The following CTNNA3 variants were observed in gnomAD, a reference collection of about 807,000 sequenced individuals.
CTNNA3 encodes catenin alpha 3, also known as catenin alpha-3.
CTNNA3 carries 76 observed loss-of-function variants against 95.7 expected under a neutral mutation model. The ratio of observed to expected loss-of-function variants is 0.79; its 90% CI spans 0.66 to 0.96. The LOEUF (loss-of-function observed/expected upper bound fraction) is 0.96. CTNNA3 is among the 40% of genes least tolerant of loss of function. The probability of loss-of-function intolerance (pLI) is 0.00; values close to 1 mark genes in which losing one functional copy is unlikely to be tolerated. For synonymous variants in CTNNA3, 431 were observed against 374.4 expected, an observed-to-expected ratio of 1.15 and a Z score of -1.74; for missense variants, 1,191 against 1,089.8, an observed-to-expected ratio of 1.09 and a Z score of -1.31.
chr10:66,287,513 T>G (rs1485631937), intron 12 of CTNNA3, among the ~76,000 whole-genome samples: 10 of 151,978 alleles, frequency 6.6e-5, no homozygotes, highest in Non-Finnish European at 7.4e-5. Flanking sequence ...TTCTATTGCT[T>G]GGATGTAAGA....
At chr10:66,018,688 A>T (rs1475872133) in intron 15 of CTNNA3, among the ~76,000 whole-genome samples, 1 of 152,134 alleles carries the variant, frequency 6.6e-6, no homozygotes, top group Non-Finnish European at 1.5e-5. Context: ...TTCACTCTAT[A>T]AAATATATTA....
chr10:67,033,221 T>A (rs1001830131), intron 7 of CTNNA3, among the ~76,000 whole-genome samples: 1 of 152,204 alleles, frequency 6.6e-6, no homozygotes, highest in Non-Finnish European at 1.5e-5. Context: ...AATCAAGTTC[T>A]ATTTGTATAA....
chr10:66,583,181 C>T (rs1452433692), intron 10 of CTNNA3, among the ~76,000 whole-genome samples: 1 of 151,774 alleles, frequency 6.6e-6, no homozygotes, highest in African/African-American at 2.4e-5. Context: ...TTCTCTTCTT[C>T]TCAATCTTTT....
At chr10:66,291,734 A>G (rs954218834) in intron 12 of CTNNA3, among the ~76,000 whole-genome samples, 1 of 151,658 alleles carries the variant, frequency 6.6e-6, no homozygotes, top group Non-Finnish European at 1.5e-5. Context: ...AATTATATAT[A>G]TGTGTATTTA....
intron 5 of CTNNA3, among the ~76,000 whole-genome samples, chr10:67,253,417 G>A (rs1422607074): frequency 6.6e-6 from 1 of 152,164 alleles, no homozygotes; most frequent in East Asian, 1.9e-4. Flanking sequence ...CAGATAAAGG[G>A]AAATTACTAT....
chr10:66,936,462 T>C (rs1847699610), intron 7 of CTNNA3, among the ~76,000 whole-genome samples: 1 of 152,112 alleles, frequency 6.6e-6, no homozygotes, highest in South Asian at 2.1e-4. Context: ...TTCCTGGTGT[T>C]TTTTTGTTTG....
At chr10:67,531,153 G>A (rs999724833) in intron 4 of CTNNA3, among the ~76,000 whole-genome samples, 1 of 152,190 alleles carries the variant, frequency 6.6e-6, no homozygotes, top group African/African-American at 2.4e-5. Context: ...TGTGGTGTTG[G>A]AGCCCTCACA....
At chr10:67,032,958 T>G (rs1853826264) in intron 7 of CTNNA3, among the ~76,000 whole-genome samples, 1 of 152,212 alleles carries the variant, frequency 6.6e-6, no homozygotes, top group Non-Finnish European at 1.5e-5. Context: ...TCAGAATGGC[T>G]GGCTTTTGAA....
At chr10:66,685,325 GTATATA>G (rs1564617459) in intron 9 of CTNNA3, among the ~76,000 whole-genome samples, 6 of 30,004 alleles carry the variant, frequency 2.0e-4, no homozygotes, top group Admixed American at 1.5e-3. Context: ...GTGTATGTGT[GTATATA>G]TATATATATA....
chr10:67,338,738 TAAC>T (rs1396844198), intron 5 of CTNNA3, among the ~76,000 whole-genome samples: 1 of 152,204 alleles, frequency 6.6e-6, no homozygotes, highest in Non-Finnish European at 1.5e-5. Context: ...CTACAATAGC[TAAC>T]AACATCATCT....
intron 5 of CTNNA3, among the ~76,000 whole-genome samples, chr10:67,512,113 T>G (rs1839655814): frequency 6.6e-6 from 1 of 152,140 alleles, no homozygotes; most frequent in Admixed American, 6.6e-5. Flanking sequence ...GGCCAATAGA[T>G]ATATAAAAAG....
chr10:66,963,467 C>T (rs575526766), intron 7 of CTNNA3, among the ~76,000 whole-genome samples: 32 of 152,208 alleles, frequency 2.1e-4, no homozygotes, highest in Non-Finnish European at 3.8e-4. Context: ...CTCTTGACAA[C>T]GATTACTTTC....
intron 7 of CTNNA3, among the ~76,000 whole-genome samples, chr10:66,816,592 C>T (rs984084843): frequency 6.6e-6 from 1 of 151,982 alleles, no homozygotes; most frequent in Non-Finnish European, 1.5e-5. Flanking sequence ...GGCTTTAATA[C>T]CTCATGTCTA....
Position 66,511,818 on chromosome 10 carries a change from G to A in CTNNA3, c.1531+8799C>T, listed in dbSNP as rs191215057. Reference sequence around the variant, plus strand: ...TAGAGAATGTTCCATCTGCTGATGAGAAGAATGTACATTTTGTAGCCATTG... The same window carrying A: ...TAGAGAATGTTCCATCTGCTGATGAAAAGAATGTACATTTTGTAGCCATTG... On this transcript the variant is annotated intron_variant, in intron 11 of 17. Coordinates refer to ENST00000433211, the MANE Select transcript of CTNNA3 (RefSeq NM_013266.4). Among the ~76,000 whole-genome samples the A allele has an allele frequency of 5.9e-3, 890 of 152,070 alleles. 6 individuals are homozygous for A. The highest frequency in any genetic ancestry group is 0.017 in the Middle Eastern group (5 of 292).
chr10:66,840,113 T>C (rs1842999186), intron 7 of CTNNA3, among the ~76,000 whole-genome samples: 1 of 152,122 alleles, frequency 6.6e-6, no homozygotes, highest in Non-Finnish European at 1.5e-5. Context: ...TAAAACACAT[T>C]CTGGCTGCAA....
intron 5 of CTNNA3, among the ~76,000 whole-genome samples, chr10:67,237,634 T>A (rs1453069533): frequency 1.3e-5 from 2 of 151,686 alleles, no homozygotes; most frequent in Non-Finnish European, 2.9e-5. Flanking sequence ...CAAAAGAGCA[T>A]GTGGAAAGGT....
At chr10:66,161,659 C>G (rs1273309262) in intron 13 of CTNNA3, among the ~76,000 whole-genome samples, 1 of 152,186 alleles carries the variant, frequency 6.6e-6, no homozygotes, top group Non-Finnish European at 1.5e-5. Flanking sequence ...CTTTGTATAG[C>G]CTGATGACAA....
intron 13 of CTNNA3, among the ~76,000 whole-genome samples, chr10:66,120,510 C>G (rs1219559076): frequency 6.6e-6 from 1 of 152,054 alleles, no homozygotes; most frequent in African/African-American, 2.4e-5. Context: ...CTTTTAGAGT[C>G]TAGATTCCTT....
At chr10:67,520,495 G>A (rs892238926) in intron 5 of CTNNA3, among the ~76,000 whole-genome samples, 6 of 152,116 alleles carry the variant, frequency 3.9e-5, no homozygotes, top group Non-Finnish European at 1.5e-5. Flanking sequence ...AATTGCATAG[G>A]CCGGAGGAGT....
Sources: allele counts gnomAD v4.1 joint callset (sites outside exome capture counted in the v4.1 genomes callset), GRCh38; gene constraint gnomAD v4.1.1; transcripts MANE v1.5; gene names NCBI Gene and HGNC (gene_info 2026-07-23, HGNC 2026-07-21).